NAV1: variants seen among roughly 807,000 people sequenced by gnomAD.
The protein encoded by NAV1 is neuron navigator 1.
In NAV1, 18 loss-of-function variants were observed where a neutral mutation model predicts 175.2. The observed-to-expected ratio is 0.10, with a 90% CI of 0.07 to 0.15. NAV1 has a LOEUF of 0.15. NAV1 is among the 10% of genes least tolerant of loss of function. NAV1 has a pLI of 1.00. For synonymous variants in NAV1, 897 were observed against 978.7 expected, an observed-to-expected ratio of 0.92 and a Z score of 1.56; for missense variants, 1,731 against 2,436.6, an observed-to-expected ratio of 0.71 and a Z score of 6.10.
intron 3 of NAV1, among the ~76,000 whole-genome samples, chr1:201,748,530 C>A (rs775967241): frequency 6.6e-6 from 1 of 152,212 alleles, no homozygotes; most frequent in Non-Finnish European, 1.5e-5. Context: ...CAGTCACGTC[C>A]TCTGTCTGAG....
intron 1 of NAV1, among the ~76,000 whole-genome samples, chr1:201,577,114 A>G (rs1666712580): frequency 6.6e-6 from 1 of 152,108 alleles, no homozygotes; most frequent in African/African-American, 2.4e-5. Flanking sequence ...TAGCCTCCCA[A>G]GTGCTGGGAT....
intron 1 of NAV1, among the ~76,000 whole-genome samples, chr1:201,654,027 C>A (rs765445640): frequency 6.6e-6 from 1 of 152,260 alleles, no homozygotes; most frequent in Non-Finnish European, 1.5e-5. Flanking sequence ...CTTGTTCTGA[C>A]TGCTGCAGTC....
chr1:201,643,827 G>A (rs1359271262), upstream of NAV1, among the ~76,000 whole-genome samples: 1 of 152,138 alleles, frequency 6.6e-6, no homozygotes, highest in African/African-American at 2.4e-5. Flanking sequence ...AGATTCCCCA[G>A]ACCCCCCACA....
intron 1 of NAV1, among the ~76,000 whole-genome samples, chr1:201,556,975 G>A (rs1666038729): frequency 6.6e-6 from 1 of 152,294 alleles, no homozygotes; most frequent in South Asian, 2.1e-4. Flanking sequence ...AGGAAGATGA[G>A]TCAGCCAGGG....
At chr1:201,699,828 C>A (rs868276643) in intron 1 of NAV1, among the ~76,000 whole-genome samples, 1 of 152,162 alleles carries the variant, frequency 6.6e-6, no homozygotes, top group Non-Finnish European at 1.5e-5. Context: ...GTGACAAAAA[C>A]AAGAAATGGG....
rs1678809058 is a variant in NAV1, at chr1:201,813,332, T to C, written c.5340+74T>C. ...TAACAAAGTAGGAATGTTTCTTTAA[T>C]GTTAGGCATGGGACTACTAGGATTA... On this transcript the variant is annotated intron_variant, in intron 28 of 29. Coordinates refer to ENST00000367296, the Ensembl canonical transcript of NAV1. This position sits in a 1 kb window ranked among gnomAD's most constrained non-coding sequence, Gnocchi z 4.2. 1.0e-6 allele frequency: 1 copy of C among 986,358 alleles called. No homozygotes were observed. The highest frequency in any genetic ancestry group is 1.6e-6 in the Non-Finnish European group (1 of 636,092). The allele number at this position is 986,358 out of a possible 1,614,324, so 61.1% of individuals were successfully genotyped here.
intron 28 of NAV1, among the ~76,000 whole-genome samples, chr1:201,816,381 A>G (rs1679029728): frequency 6.6e-6 from 1 of 152,208 alleles, no homozygotes; most frequent in African/African-American, 2.4e-5. Flanking sequence ...GGGAAAAAAT[A>G]TATATGTAAG....
intron 1 of NAV1, among the ~76,000 whole-genome samples, chr1:201,587,094 C>A (rs1667052604): frequency 6.6e-6 from 1 of 151,560 alleles, no homozygotes; most frequent in Non-Finnish European, 1.5e-5. Flanking sequence ...ACCTGTAGTC[C>A]CAGCTACACA....
At chr1:201,588,996 C>T (rs1254460935) in intron 2 of NAV1, among the ~76,000 whole-genome samples, 2 of 151,992 alleles carry the variant, frequency 1.3e-5, no homozygotes, top group Non-Finnish European at 2.9e-5. Context: ...TACAGGCACA[C>T]ACCACCACGC....
At chr1:201,596,977 C>G (rs1374489884) in intron 2 of NAV1, among the ~76,000 whole-genome samples, 3 of 152,130 alleles carry the variant, frequency 2.0e-5, no homozygotes, top group African/African-American at 4.8e-5. Context: ...AGGTGCCCAC[C>G]ACCACACCCA....
chr1:201,644,135 A>T (rs1571859755), upstream of NAV1, among the ~76,000 whole-genome samples: 1 of 152,020 alleles, frequency 6.6e-6, no homozygotes, highest in Non-Finnish European at 1.5e-5. Flanking sequence ...CTTCACCAGC[A>T]CCCACTGCCT....
At chr1:201,570,715 C>G (rs1666511929) in intron 1 of NAV1, among the ~76,000 whole-genome samples, 1 of 152,224 alleles carries the variant, frequency 6.6e-6, no homozygotes, top group Admixed American at 6.5e-5. Flanking sequence ...TCTCCCTTTT[C>G]TGCTCAGAAG....
At position 201,679,863 on chromosome 1, in the gene NAV1, T is replaced by C. The variant is rs184713639; in HGVS notation, c.757+30438T>C. On this transcript the variant is annotated intron_variant, in intron 1 of 29. Transcript: ENST00000367296. ...ATTCCTATATAAATCATAATACTTGTAAATTATTTGGAATTCTTCTGTATG... is the reference window on the plus strand; with the variant it reads ...ATTCCTATATAAATCATAATACTTGCAAATTATTTGGAATTCTTCTGTATG... Among the ~76,000 whole-genome samples, 381 of 152,352 alleles carry C rather than the reference T, an allele frequency of 2.5e-3. 3 individuals carry two copies. The highest frequency in any genetic ancestry group is 4.1e-3 in the Non-Finnish European group (280 of 68,028).
intron 1 of NAV1, among the ~76,000 whole-genome samples, chr1:201,629,178 G>T (rs1668417613): frequency 6.6e-6 from 1 of 152,222 alleles, no homozygotes; most frequent in Admixed American, 6.5e-5. Flanking sequence ...GGGCATCCCA[G>T]TATCCTCTGG....
chr1:201,539,249 C>A lies in NAV1; in HGVS notation c.-237C>A, dbSNP rs1665430699. Among the ~76,000 whole-genome samples, 1 of 152,112 alleles carries A rather than the reference C, an allele frequency of 6.6e-6. No individual in the cohort carries two copies. The highest frequency in any genetic ancestry group is 1.5e-5 in the Non-Finnish European group (1 of 67,998). On this transcript the variant is annotated 5_prime_UTR_variant, in exon 1 of 34. Transcript: ENST00000685211. The surrounding 1 kb of genome is among the most constrained non-coding windows in gnomAD (Gnocchi z 5.6). ...GGAGCCCCGGGAAACTTTGTGCTCG[C>A]GAGAAGCGGACCCCGCACCCGCGCT...
intron 1 of NAV1, among the ~76,000 whole-genome samples, chr1:201,624,789 T>C (rs1006902051): frequency 6.6e-6 from 1 of 152,202 alleles, no homozygotes; most frequent in Admixed American, 6.5e-5. Flanking sequence ...TAACTTCCTA[T>C]ATTTTTTCCC....
chr1:201,780,027 G>C (rs1203984824), intron 3 of NAV1, among the ~76,000 whole-genome samples: 2 of 152,142 alleles, frequency 1.3e-5, no homozygotes. Context: ...GAAAAGGAGG[G>C]GGAGAATAGA....
intron 2 of NAV1, among the ~76,000 whole-genome samples, chr1:201,594,778 G>T (rs1009366828): frequency 2.6e-5 from 4 of 152,074 alleles, no homozygotes; most frequent in Non-Finnish European, 5.9e-5. Context: ...AGCAGGAAGG[G>T]CAGGCTCCAC....
intron 1 of NAV1, among the ~76,000 whole-genome samples, chr1:201,568,212 A>C (rs1404027344): frequency 1.3e-5 from 2 of 152,184 alleles, no homozygotes; most frequent in African/African-American, 4.8e-5. Flanking sequence ...ATGGACTGGC[A>C]TCAGAGCAAG....
Sources: gnomAD v4.1 joint callset for allele counts (sites outside exome capture counted in the v4.1 genomes callset) on GRCh38, gnomAD v4.1.1 for gene constraint, Gnocchi (gnomAD v3.1) non-coding constraint, MANE v1.5 for transcripts, NCBI Gene and HGNC (gene_info 2026-07-23, HGNC 2026-07-21) for gene names.